Variants in FNDC3A observed in about 807,000 individuals in gnomAD.
The protein encoded by FNDC3A is fibronectin type III domain containing 3A.
In FNDC3A, 32 loss-of-function variants were observed where a neutral mutation model predicts 148.9. The ratio of observed to expected loss-of-function variants is 0.21; its 90% CI spans 0.16 to 0.29. The LOEUF is 0.29. Ranked by LOEUF, FNDC3A falls within the 10% of genes least tolerant of loss-of-function variation. The pLI is 1.00. For synonymous variants in FNDC3A, 472 were observed against 473.6 expected (o/e 1.00, Z 0.04); for missense variants, 1,191 against 1,452.8 (o/e 0.82, Z 2.93).
rs553957390 is a variant in FNDC3A, at chr13:49,143,765, A to G, written c.820-2013A>G. Among the ~76,000 whole-genome samples the G allele has an allele frequency of 4.6e-5, 7 of 152,258 alleles. No individual in the cohort carries two copies. The South Asian group carries it at 1.5e-3, about 32-fold the overall frequency. ...GGTGAGACTTCAGTATCACCAGGCAAATTAGTGACACATCTTGTGCTTCCC... is the reference window on the plus strand; with the variant it reads ...GGTGAGACTTCAGTATCACCAGGCAGATTAGTGACACATCTTGTGCTTCCC... On this transcript the variant is annotated intron_variant, in intron 7 of 25. Coordinates refer to ENST00000492622, the MANE Select transcript of FNDC3A (RefSeq NM_001079673.2).
rs982759311 is a variant in FNDC3A, at chr13:49,207,632, T to C, written c.*237T>C. On this transcript the variant is annotated 3_prime_UTR_variant, in exon 26 of 26. Transcript: ENST00000492622. Reference sequence around the variant, plus strand: ...TTAGGGTGGGTCTTCTTTTTTTCTTTCCCTCTCTCTTTTTTTAACAAATGC... The same window carrying C: ...TTAGGGTGGGTCTTCTTTTTTTCTTCCCCTCTCTCTTTTTTTAACAAATGC... The C allele has an allele frequency of 1.6e-5, 6 of 376,896 alleles. No individual in the cohort carries two copies. The highest frequency in any genetic ancestry group is 1.0e-4 in the African/African-American group (5 of 47,786). 23.3% of individuals were successfully genotyped at this position (376,896 alleles called of 1,614,324 possible).
chr13:49,013,627 T>C (rs1485616639), intron 2 of FNDC3A, among the ~76,000 whole-genome samples: 2 of 150,462 alleles, frequency 1.3e-5, no homozygotes, highest in South Asian at 2.1e-4. Context: ...TACACGTGTA[T>C]ACATGTATAC....
chr13:49,031,358 G>A (rs777759131), intron 2 of FNDC3A, among the ~76,000 whole-genome samples: 9 of 152,158 alleles, frequency 5.9e-5, no homozygotes, highest in Non-Finnish European at 1.3e-4. Context: ...TGATCAGCCT[G>A]AGCAATGGAG....
intron 2 of FNDC3A, among the ~76,000 whole-genome samples, chr13:49,023,314 G>A (rs1873464785): frequency 6.6e-6 from 1 of 151,546 alleles, no homozygotes; most frequent in East Asian, 1.9e-4. Flanking sequence ...AACAAAAATT[G>A]GGCAAATTAT....
At chr13:49,106,773 CAAAAAA>C (rs543962565) in intron 3 of FNDC3A, among the ~76,000 whole-genome samples, 21 of 79,890 alleles carry the variant, frequency 2.6e-4, no homozygotes, top group African/African-American at 1.0e-3. Context: ...TGAATGAAAG[CAAAAAA>C]AAAAAAAAAA....
At chr13:49,028,603 T>G (rs1292857219) in intron 2 of FNDC3A, among the ~76,000 whole-genome samples, 1 of 152,146 alleles carries the variant, frequency 6.6e-6, no homozygotes, top group African/African-American at 2.4e-5. Flanking sequence ...ATAAGAGAAC[T>G]TGTAACCCAA....
At chr13:49,123,521 T>G (rs920039736) in intron 4 of FNDC3A, among the ~76,000 whole-genome samples, 1 of 151,906 alleles carries the variant, frequency 6.6e-6, no homozygotes, top group African/African-American at 2.4e-5. Flanking sequence ...CTAAAGAGCT[T>G]CTTCTGTACA....
At chr13:48,991,514 A>AT (rs747953039) in intron 1 of FNDC3A, among the ~76,000 whole-genome samples, 2 of 151,844 alleles carry the variant, frequency 1.3e-5, no homozygotes, top group Non-Finnish European at 2.9e-5. Flanking sequence ...TGGTGAAACT[A>AT]CGTCTCTACA....
chr13:49,078,677 C>T (rs931534845), intron 3 of FNDC3A, among the ~76,000 whole-genome samples: 3 of 152,168 alleles, frequency 2.0e-5, no homozygotes, highest in African/African-American at 7.2e-5. Context: ...CAAGAGAAGA[C>T]AAGAAAAGAC....
intron 2 of FNDC3A, among the ~76,000 whole-genome samples, chr13:49,074,038 CAT>C (rs1877924935): frequency 6.6e-6 from 1 of 151,864 alleles, no homozygotes; most frequent in Non-Finnish European, 1.5e-5. Flanking sequence ...AGGGTGTTCT[CAT>C]AGACTATGAG....
chr13:49,195,800 C>G (rs1886118307), intron 19 of FNDC3A, among the ~76,000 whole-genome samples: 3 of 152,078 alleles, frequency 2.0e-5, no homozygotes, highest in Admixed American at 6.6e-5. Flanking sequence ...GTGGCTCATG[C>G]CTGTAATCCC....
chr13:49,204,591 G>A (rs898088119), intron 25 of FNDC3A, among the ~76,000 whole-genome samples: 2 of 152,146 alleles, frequency 1.3e-5, no homozygotes, highest in Non-Finnish European at 2.9e-5. Flanking sequence ...AGATAAGTAG[G>A]TTTCCTTCTA....
rs1173096961 is a variant in FNDC3A at position 49,121,870 on chromosome 13, CA to C, written c.252+7146del. Among the ~76,000 whole-genome samples the C allele has an allele frequency of 5.3e-5, 8 of 151,980 alleles. No homozygotes were observed. The East Asian group carries it at 1.5e-3, about 29-fold the overall frequency. On this transcript the variant is annotated intron_variant, in intron 4 of 25. Transcript: ENST00000492622. ...AGGCAGTAATTGATAGCCTAACAAC[CA>C]AAAAAAGCCCAGGACCAGATGGATT...
At chr13:49,007,623 T>A (rs925328123) in intron 2 of FNDC3A, among the ~76,000 whole-genome samples, 2 of 152,156 alleles carry the variant, frequency 1.3e-5, no homozygotes, top group Non-Finnish European at 2.9e-5. Context: ...AATAACTCCA[T>A]GATGCCATCT....
At chr13:49,039,641 AAC>A (rs1222906310) in intron 2 of FNDC3A, among the ~76,000 whole-genome samples, 4 of 152,194 alleles carry the variant, frequency 2.6e-5, no homozygotes, top group Non-Finnish European at 5.9e-5. Context: ...AGTTTTAACT[AAC>A]ATATATACTG....
chr13:49,128,398 ATGTAAACATT>A (rs1881832439), intron 4 of FNDC3A, among the ~76,000 whole-genome samples: 1 of 152,168 alleles, frequency 6.6e-6, no homozygotes, highest in Admixed American at 6.5e-5. Context: ...AACCATAGTA[ATGTAAACATT>A]TGAGGTGGGG....
chr13:49,006,002 A>G (rs143781809), intron 1 of FNDC3A, 150 bp from the exon 2 acceptor site: 258 of 401,062 alleles, frequency 6.4e-4, no homozygotes, highest in African/African-American at 5.0e-3. Flanking sequence ...TGGCTTATTG[A>G]TTGGAAAAAA....
chr13:48,990,933 A>C (rs1289017202), intron 1 of FNDC3A, among the ~76,000 whole-genome samples: 1 of 152,236 alleles, frequency 6.6e-6, no homozygotes, highest in Non-Finnish European at 1.5e-5. Context: ...TGTAAATTTT[A>C]AAGAAACCAC....
intron 2 of FNDC3A, among the ~76,000 whole-genome samples, chr13:49,019,074 C>G (rs964153378): frequency 2.0e-5 from 3 of 152,234 alleles, no homozygotes; most frequent in African/African-American, 7.2e-5. Flanking sequence ...TGCCCTGCCC[C>G]CAGAGGTGGA....
Sources: gnomAD v4.1 joint callset for allele counts (sites outside exome capture counted in the v4.1 genomes callset) on GRCh38, gnomAD v4.1.1 for gene constraint, MANE v1.5 for transcripts, NCBI Gene and HGNC (gene_info 2026-07-23, HGNC 2026-07-21) for gene names.